Variants in PCDH9 observed in about 807,000 individuals in gnomAD.
The protein encoded by PCDH9 is protocadherin 9, also known as protocadherin-9.
A neutral mutation model predicts 70.6 loss-of-function variants in PCDH9; 24 were observed. That is an observed-to-expected ratio of 0.34 (90% CI 0.25 to 0.48). The LOEUF (loss-of-function observed/expected upper bound fraction) is 0.48, where lower values mean the gene tolerates loss of function less well. Among genes scored for constraint, PCDH9 ranks in the 20% least tolerant of loss-of-function variants. PCDH9 has a pLI of 0.99. For synonymous variants in PCDH9, 562 were observed against 558.5 expected (o/e 1.01, Z -0.09); for missense variants, 1,281 against 1,503.6 (o/e 0.85, Z 2.45).
At chr13:66,526,639 T>C (rs1156690432) in intron 4 of PCDH9, among the ~76,000 whole-genome samples, 1 of 152,052 alleles carries the variant, frequency 6.6e-6, no homozygotes, top group African/African-American at 2.4e-5. Context: ...AGATTAATTC[T>C]CACTGCATTG....
chr13:66,616,621 A>T (rs2077360036), intron 4 of PCDH9, among the ~76,000 whole-genome samples: 1 of 151,474 alleles, frequency 6.6e-6, no homozygotes, highest in African/African-American at 2.4e-5. Context: ...TTAACATTCT[A>T]TTTCTGAGCA....
At chr13:67,089,949 A>G (rs2086184603) in intron 2 of PCDH9, among the ~76,000 whole-genome samples, 1 of 151,976 alleles carries the variant, frequency 6.6e-6, no homozygotes, top group Admixed American at 6.6e-5. Flanking sequence ...CAAATGCACA[A>G]GATTGGCCGT....
chr13:67,105,460 C>T (rs2086520678), intron 2 of PCDH9, among the ~76,000 whole-genome samples: 1 of 151,876 alleles, frequency 6.6e-6, no homozygotes. Context: ...ATAGGAAAGT[C>T]CTGAAATAAA....
At chr13:66,874,865 AGTTTTT>A (rs1470231140) in intron 3 of PCDH9, among the ~76,000 whole-genome samples, 1 of 151,162 alleles carries the variant, frequency 6.6e-6, no homozygotes, top group East Asian at 1.9e-4. Context: ...TCTCCATCAG[AGTTTTT>A]GAGGTAAGGA....
At chr13:66,706,858 T>C (rs534434862) in intron 3 of PCDH9, among the ~76,000 whole-genome samples, 2 of 152,088 alleles carry the variant, frequency 1.3e-5, no homozygotes, top group African/African-American at 4.8e-5. Context: ...AGCCAAGAGT[T>C]TGGGTTACTG....
At chr13:66,786,480 G>T (rs2080081908) in intron 3 of PCDH9, among the ~76,000 whole-genome samples, 1 of 152,180 alleles carries the variant, frequency 6.6e-6, no homozygotes, top group South Asian at 2.1e-4. Context: ...ACTGATGCTG[G>T]ATGGCAAAAT....
chr13:67,017,063 T>C (rs897919866), intron 2 of PCDH9, among the ~76,000 whole-genome samples: 3 of 152,168 alleles, frequency 2.0e-5, no homozygotes, highest in Non-Finnish European at 2.9e-5. Context: ...GCTATTGAAA[T>C]AGCCATAGTG....
At chr13:66,686,888 A>G (rs1018598360) in intron 3 of PCDH9, among the ~76,000 whole-genome samples, 3 of 152,192 alleles carry the variant, frequency 2.0e-5, no homozygotes, top group Non-Finnish European at 4.4e-5. Flanking sequence ...GTTAAAATTT[A>G]AATTATAACC....
intron 3 of PCDH9, among the ~76,000 whole-genome samples, chr13:66,699,256 A>T (rs1295974089): frequency 6.6e-6 from 1 of 152,058 alleles, no homozygotes; most frequent in Non-Finnish European, 1.5e-5. Flanking sequence ...GCACAACAGG[A>T]AATAATTGTT....
At chr13:66,691,334 G>A (rs965223253) in intron 3 of PCDH9, among the ~76,000 whole-genome samples, 3 of 152,038 alleles carry the variant, frequency 2.0e-5, no homozygotes, top group East Asian at 3.9e-4. Context: ...CACCGCACCC[G>A]GCCAACATAA....
chr13:66,965,535 C>A (rs1437765846), intron 2 of PCDH9, among the ~76,000 whole-genome samples: 2 of 152,098 alleles, frequency 1.3e-5, no homozygotes, highest in Non-Finnish European at 2.9e-5. Context: ...CAAAAACAAC[C>A]AGCTCAAAGA....
In PCDH9 at chr13:66,587,779, A is replaced by G. The variant is rs147089191; in HGVS notation, c.3340+43431T>C. ...TGGTTCAGCAATACAACAGAAGTGAACTTGCAGGATTATTAAAAAAAAAAA... is the reference window on the plus strand; with the variant it reads ...TGGTTCAGCAATACAACAGAAGTGAGCTTGCAGGATTATTAAAAAAAAAAA... On this transcript the variant is annotated intron_variant, in intron 4 of 4. Transcript: ENST00000377865. 1.5e-3 allele frequency among the ~76,000 whole-genome samples: 196 copies of G among 129,246 alleles called. 1 individual carries two copies. Among genetic ancestry groups the G allele is most frequent in the Middle Eastern group, 3.7e-3 (1 of 268 alleles). The allele number at this position is 129,246 out of a possible 152,430, so 84.8% of individuals were successfully genotyped here. A position where few individuals can be genotyped will look rare whatever the true frequency, so the allele number is the denominator to read the frequency against.
chr13:67,116,227 A>G (rs1213851717), intron 2 of PCDH9, among the ~76,000 whole-genome samples: 1 of 152,186 alleles, frequency 6.6e-6, no homozygotes, highest in Non-Finnish European at 1.5e-5. Context: ...TCAACCAGAG[A>G]ATGCTGGAAA....
At chr13:66,460,386 G>A (rs2138450899) in intron 4 of PCDH9, among the ~76,000 whole-genome samples, 1 of 152,024 alleles carries the variant, frequency 6.6e-6, no homozygotes, top group African/African-American at 2.4e-5. Flanking sequence ...AATGAATTCT[G>A]CACCTGCCCA....
intron 3 of PCDH9, among the ~76,000 whole-genome samples, chr13:66,849,951 C>T (rs1235664184): frequency 6.6e-6 from 1 of 152,098 alleles, no homozygotes; most frequent in African/African-American, 2.4e-5. Flanking sequence ...ATGCATCACT[C>T]TACAGGGAAG....
At chr13:67,229,696 C>T (rs1201933313) in intron 1 of PCDH9, 84 bp downstream of exon 1, 2 of 152,164 alleles carry the variant, frequency 1.3e-5, no homozygotes, top group African/African-American at 2.4e-5. Flanking sequence ...CAACCGTCTA[C>T]CCAATTACAA....
chr13:66,990,040 A>G (rs1190999100), intron 2 of PCDH9, among the ~76,000 whole-genome samples: 1 of 151,888 alleles, frequency 6.6e-6, no homozygotes. Context: ...TGTAACTAAC[A>G]AAGATATTTA....
rs868448151 is a variant in PCDH9, at chr13:66,906,876, C to T, written c.3037-3271G>A. ...ATCCTCCCTAACAAATTTCTACTTC[C>T]GGGAGAGTTGCAGCATTTTCTAAAA... is the stretch of plus-strand genomic sequence containing the variant. On this transcript the variant is annotated intron_variant, in intron 2 of 4. Transcript: ENST00000377865. Among the ~76,000 whole-genome samples, 7 of 151,972 alleles carry T rather than the reference C, an allele frequency of 4.6e-5. No individual in the cohort carries two copies. In the South Asian group the frequency reaches 6.2e-4, roughly 14 times the overall value.
At chr13:66,967,779 C>T (rs1427164714) in intron 2 of PCDH9, among the ~76,000 whole-genome samples, 5 of 151,972 alleles carry the variant, frequency 3.3e-5, no homozygotes, top group African/African-American at 1.2e-4. Context: ...TTTACATTTA[C>T]CGGATAATTA....
Sources: gnomAD v4.1 joint callset for allele counts (sites outside exome capture counted in the v4.1 genomes callset) on GRCh38, gnomAD v4.1.1 for gene constraint, MANE v1.5 for transcripts, NCBI Gene and HGNC (gene_info 2026-07-23, HGNC 2026-07-21) for gene names.